The following PARD3B variants were observed in gnomAD, a reference collection of about 807,000 sequenced individuals.
PARD3B encodes par-3 family cell polarity regulator beta, also known as partitioning defective 3 homolog B.
Under a neutral mutation model 130.2 loss-of-function variants are expected in PARD3B, and 103 were observed. That is an observed-to-expected ratio of 0.79 (90% CI 0.67 to 0.93). The LOEUF is 0.93. Among genes scored for constraint, PARD3B ranks in the 40% least tolerant of loss-of-function variants. PARD3B has a pLI of 0.00. For synonymous variants in PARD3B, 583 were observed against 553.2 expected (o/e 1.05, Z -0.76); for missense variants, 1,609 against 1,499.2 (o/e 1.07, Z -1.21).
At chr2:205,378,112 A>T (rs1220239242) in intron 18 of PARD3B, among the ~76,000 whole-genome samples, 1 of 152,094 alleles carries the variant, frequency 6.6e-6, no homozygotes, top group Non-Finnish European at 1.5e-5. Flanking sequence ...CCTTTTCTGA[A>T]TCACCACCTC....
chr2:204,666,188 A>C (rs2036014644), intron 1 of PARD3B, among the ~76,000 whole-genome samples: 1 of 152,172 alleles, frequency 6.6e-6, no homozygotes, highest in Non-Finnish European at 1.5e-5. Flanking sequence ...AGAAACAAAT[A>C]AGCAACTAAT....
chr2:205,068,432 C>A (rs926396787), intron 4 of PARD3B, among the ~76,000 whole-genome samples: 11 of 151,958 alleles, frequency 7.2e-5, no homozygotes, highest in African/African-American at 2.7e-4. Context: ...TTTGTCTATA[C>A]TATTAGTTTA....
At chr2:204,969,628 C>A (rs914627825) in intron 3 of PARD3B, among the ~76,000 whole-genome samples, 3 of 152,184 alleles carry the variant, frequency 2.0e-5, no homozygotes, top group African/African-American at 7.2e-5. Context: ...GGAACTAGAA[C>A]TGGAACCCAC....
At chr2:205,314,285 G>T (rs2042487859) in intron 18 of PARD3B, among the ~76,000 whole-genome samples, 1 of 152,156 alleles carries the variant, frequency 6.6e-6, no homozygotes, top group Admixed American at 6.6e-5. Flanking sequence ...AATAAAGAAT[G>T]AGACACTGAG....
chr2:205,331,527 A>G (rs1169993724), intron 18 of PARD3B, among the ~76,000 whole-genome samples: 4 of 151,956 alleles, frequency 2.6e-5, no homozygotes, highest in African/African-American at 9.7e-5. Flanking sequence ...CACACCTGTA[A>G]GCCCAGCACT....
chr2:204,546,999 C>T (rs1041346835), intron 1 of PARD3B, among the ~76,000 whole-genome samples: 2 of 152,210 alleles, frequency 1.3e-5, no homozygotes, highest in South Asian at 4.1e-4. Context: ...TGAATCTTCA[C>T]ATGGAACATT....
intron 18 of PARD3B, among the ~76,000 whole-genome samples, chr2:205,396,072 C>T (rs925020820): frequency 6.6e-6 from 1 of 152,208 alleles, no homozygotes; most frequent in East Asian, 1.9e-4. Flanking sequence ...ATCAAGCCTT[C>T]CCCACACATG....
intron 2 of PARD3B, among the ~76,000 whole-genome samples, chr2:204,946,225 A>G (rs1689311963): frequency 6.6e-6 from 1 of 152,216 alleles, no homozygotes; most frequent in Admixed American, 6.5e-5. Context: ...TCAGTTCTTA[A>G]CACAGTGCTT....
chr2:204,650,953 C>T (rs897271624), intron 1 of PARD3B, among the ~76,000 whole-genome samples: 18 of 152,060 alleles, frequency 1.2e-4, no homozygotes, highest in Admixed American at 6.6e-5. Context: ...CTCAGGATAA[C>T]TCACACACTA....
chr2:204,617,441 G>A (rs2034149927), intron 1 of PARD3B, among the ~76,000 whole-genome samples: 1 of 152,162 alleles, frequency 6.6e-6, no homozygotes, highest in Non-Finnish European at 1.5e-5. Flanking sequence ...GGGCAGACTA[G>A]GTCTTTTTGG....
intron 2 of PARD3B, among the ~76,000 whole-genome samples, chr2:204,916,288 T>C (rs1341964561): frequency 6.6e-6 from 1 of 152,232 alleles, no homozygotes; most frequent in East Asian, 1.9e-4. Context: ...GGGCCACTTT[T>C]GTTAAAAATA....
rs917689792 is a variant in PARD3B, at chr2:205,558,957, C to G, written c.3260+5554C>G. Among the ~76,000 whole-genome samples, 5 of 152,150 alleles carry G rather than the reference C, an allele frequency of 3.3e-5. No individual in the cohort carries two copies. The highest frequency in any genetic ancestry group is 1.2e-4 in the African/African-American group (5 of 41,432). ...TTCCACCCCATTGAAATATAAATTC[C>G]TTGAAATAAGAGACTTTGTTTTATA... is the stretch of plus-strand genomic sequence containing the variant. On this transcript the variant is annotated intron_variant, in intron 22 of 22. Transcript: ENST00000406610. The surrounding 1 kb of genome is among the most constrained non-coding windows in gnomAD (Gnocchi z 4.8).
Position 205,213,318 on chromosome 2 carries a change from A to G in PARD3B, c.2140+19998A>G, listed in dbSNP as rs565753334. Among the ~76,000 whole-genome samples the G allele has an allele frequency of 2.6e-5, 4 of 152,278 alleles. No homozygotes were observed. In the South Asian group the frequency reaches 8.3e-4, roughly 32 times the overall value. On this transcript the variant is annotated intron_variant, in intron 15 of 22. Transcript: ENST00000406610. ...AAATTGAGATACTATATCTTAGCAC[A>G]GAATGGCATACTCCTTTGATATTCT...
chr2:204,754,108 C>T (rs1048666774), intron 2 of PARD3B, among the ~76,000 whole-genome samples: 3 of 152,006 alleles, frequency 2.0e-5, no homozygotes, highest in Non-Finnish European at 2.9e-5. Flanking sequence ...AAAAACAGTG[C>T]CACTATGAGC....
At chr2:205,243,114 C>T (rs569456339) in intron 15 of PARD3B, among the ~76,000 whole-genome samples, 65 of 151,922 alleles carry the variant, frequency 4.3e-4, no homozygotes, top group African/African-American at 1.5e-3. Flanking sequence ...TGCAGTGAGA[C>T]GAGATCGTGC....
intron 18 of PARD3B, among the ~76,000 whole-genome samples, chr2:205,324,035 A>G (rs1291181609): frequency 6.6e-6 from 1 of 152,122 alleles, no homozygotes; most frequent in Non-Finnish European, 1.5e-5. Flanking sequence ...AGGAAATTTT[A>G]AGTATGTTTA....
Position 204,624,601 on chromosome 2 carries a change from A to G in PARD3B, c.121-61580A>G, listed in dbSNP as rs192175777. Among the ~76,000 whole-genome samples, 13 of 152,262 alleles carry G rather than the reference A, an allele frequency of 8.5e-5. 1 individual carries two copies. In the East Asian group the frequency reaches 1.5e-3, roughly 18 times the overall value. On this transcript the variant is annotated intron_variant, in intron 1 of 22. Coordinates refer to ENST00000406610, the MANE Select transcript of PARD3B (RefSeq NM_001302769.2). ...TTGAGTAGTGTTCCATGGTGTGGATATACTCTAGTTTGTTTAACCATTCAC... is the reference window on the plus strand; with the variant it reads ...TTGAGTAGTGTTCCATGGTGTGGATGTACTCTAGTTTGTTTAACCATTCAC...
intron 3 of PARD3B, among the ~76,000 whole-genome samples, chr2:205,006,850 C>A (rs1317602082): frequency 6.6e-6 from 1 of 152,142 alleles, no homozygotes; most frequent in East Asian, 1.9e-4. Flanking sequence ...TTATTTGTTA[C>A]ATTCGCTTTT....
chr2:205,428,747 G>C (rs995350724), intron 19 of PARD3B, among the ~76,000 whole-genome samples: 5 of 152,142 alleles, frequency 3.3e-5, no homozygotes, highest in Non-Finnish European at 7.3e-5. Context: ...TAAAAATTCT[G>C]TAATGTTAAA....
Sources: allele counts gnomAD v4.1 joint callset (sites outside exome capture counted in the v4.1 genomes callset), GRCh38; gene constraint gnomAD v4.1.1; non-coding constraint Gnocchi (gnomAD v3.1); transcripts MANE v1.5; gene names NCBI Gene and HGNC (gene_info 2026-07-23, HGNC 2026-07-21).